Variants in CNTNAP5 observed in about 807,000 individuals in gnomAD.
CNTNAP5 encodes the protein contactin-associated protein-like 5.
A neutral mutation model predicts 150.2 loss-of-function variants in CNTNAP5; 72 were observed. The ratio of observed to expected loss-of-function variants is 0.48; its 90% confidence interval spans 0.40 to 0.58. CNTNAP5 has a LOEUF of 0.58. Among genes scored for constraint, CNTNAP5 ranks in the 20% least tolerant of loss-of-function variants. The probability of loss-of-function intolerance (pLI) is 0.00; values close to 1 mark genes in which losing one functional copy is unlikely to be tolerated. For missense variants in CNTNAP5, 1,636 were observed against 1,626.2 expected, an observed-to-expected ratio of 1.01 and a Z score of -0.10; for synonymous variants, 672 against 619.8, an observed-to-expected ratio of 1.08 and a Z score of -1.25.
chr2:124,363,007 A>G (rs554448059), intron 3 of CNTNAP5, among the ~76,000 whole-genome samples: 10 of 152,362 alleles, frequency 6.6e-5, no homozygotes, highest in African/African-American at 1.9e-4. Flanking sequence ...AAAAGCATCA[A>G]TGGATGTGGC....
intron 10 of CNTNAP5, among the ~76,000 whole-genome samples, chr2:124,552,840 G>C (rs1695658165): frequency 6.6e-6 from 1 of 152,054 alleles, no homozygotes; most frequent in Non-Finnish European, 1.5e-5. Context: ...TCCATTGAAG[G>C]ACTTTCCAAT....
At chr2:124,532,726 T>C (rs1039660782) in intron 10 of CNTNAP5, among the ~76,000 whole-genome samples, 1 of 152,158 alleles carries the variant, frequency 6.6e-6, no homozygotes, top group Non-Finnish European at 1.5e-5. Context: ...TTATTTAAAC[T>C]TTTGTCCATG....
chr2:124,311,444 G>A (rs748507226), intron 3 of CNTNAP5, among the ~76,000 whole-genome samples: 19 of 152,162 alleles, frequency 1.2e-4, no homozygotes, highest in African/African-American at 2.2e-4. Flanking sequence ...GAAAGAGAGG[G>A]AGAGAGGAGT....
At chr2:124,717,346 C>G (rs1357064111) in intron 13 of CNTNAP5, among the ~76,000 whole-genome samples, 1 of 152,146 alleles carries the variant, frequency 6.6e-6, no homozygotes, top group Non-Finnish European at 1.5e-5. Context: ...GTTTAATGTT[C>G]AGGGAATACT....
intron 1 of CNTNAP5, among the ~76,000 whole-genome samples, chr2:124,182,117 A>G (rs555799071): frequency 7.9e-5 from 12 of 152,308 alleles, no homozygotes; most frequent in Non-Finnish European, 1.5e-4. Flanking sequence ...CTACTTACAA[A>G]TATAATTTCT....
At chr2:124,068,091 ACTATCTGCATAC>A (rs1307273811) in intron 1 of CNTNAP5, among the ~76,000 whole-genome samples, 1 of 146,234 alleles carries the variant, frequency 6.8e-6, no homozygotes, top group African/African-American at 2.5e-5. Context: ...AACGCTTTTA[ACTATCTGCATAC>A]ACAAACGCAC....
intron 3 of CNTNAP5, among the ~76,000 whole-genome samples, chr2:124,399,243 AGAG>A (rs1368016786): frequency 2.6e-5 from 4 of 152,174 alleles, no homozygotes; most frequent in Non-Finnish European, 5.9e-5. Context: ...AGTGAAGAAG[AGAG>A]GAGGAGATCA....
At chr2:124,100,942 CT>C (rs1558755575) in intron 1 of CNTNAP5, among the ~76,000 whole-genome samples, 1 of 150,464 alleles carries the variant, frequency 6.6e-6, no homozygotes, top group Non-Finnish European at 1.5e-5. Context: ...AATCAAGATT[CT>C]CAATTCTTAA....
At chr2:124,311,424 A>T (rs1688827500) in intron 3 of CNTNAP5, among the ~76,000 whole-genome samples, 1 of 152,150 alleles carries the variant, frequency 6.6e-6, no homozygotes, top group African/African-American at 2.4e-5. Flanking sequence ...AGGAAAGAAA[A>T]GAATAGGGGG....
chr2:124,444,436 A>G (rs374370815), intron 5 of CNTNAP5, among the ~76,000 whole-genome samples: 6 of 152,094 alleles, frequency 3.9e-5, no homozygotes, highest in African/African-American at 1.4e-4. Context: ...TCTACCAAAA[A>G]TATAAAAAAT....
rs2104777699 is a variant in CNTNAP5 at position 124,920,719 on chromosome 2, T to A, written c.*6431T>A. 6.6e-6 allele frequency among the ~76,000 whole-genome samples: 1 copy of A among 152,284 alleles called. No homozygotes were observed. The highest frequency in any genetic ancestry group is 2.1e-4 in the South Asian group (1 of 4,826). On this transcript the variant is annotated 3_prime_UTR_variant, in exon 24 of 24. Coordinates refer to ENST00000682447, the MANE Select transcript of CNTNAP5 (RefSeq NM_001367498.1). ...GGCCATGTTCCAATATAACTTTATT[T>A]ACAAAATCTAATTTAGTTCATAGGT...
intron 1 of CNTNAP5, among the ~76,000 whole-genome samples, chr2:124,090,846 A>G (rs1432522750): frequency 6.6e-6 from 1 of 152,230 alleles, no homozygotes; most frequent in African/African-American, 2.4e-5. Context: ...AACTAGATTA[A>G]TGCTGCACAG....
intron 1 of CNTNAP5, among the ~76,000 whole-genome samples, chr2:124,044,295 A>T (rs1038480595): frequency 5.3e-5 from 8 of 152,156 alleles, no homozygotes; most frequent in Admixed American, 2.6e-4. Context: ...AGAGTGTCCA[A>T]GTAACTTTCT....
At chr2:124,329,235 A>G (rs1471245180) in intron 3 of CNTNAP5, among the ~76,000 whole-genome samples, 7 of 152,168 alleles carry the variant, frequency 4.6e-5, no homozygotes, top group African/African-American at 1.7e-4. Flanking sequence ...AAAGTCTCCC[A>G]GGTAATTTAT....
chr2:124,689,539 G>A (rs1240207742), intron 13 of CNTNAP5, among the ~76,000 whole-genome samples: 1 of 152,070 alleles, frequency 6.6e-6, no homozygotes, highest in Admixed American at 6.6e-5. Flanking sequence ...GTGTTTGCCT[G>A]TCCACATATA....
chr2:124,684,247 C>T (rs540638105), intron 13 of CNTNAP5, among the ~76,000 whole-genome samples: 1 of 152,280 alleles, frequency 6.6e-6, no homozygotes, highest in South Asian at 2.1e-4. Context: ...TGTTAACATG[C>T]AGTCCTGTCA....
intron 12 of CNTNAP5, among the ~76,000 whole-genome samples, chr2:124,622,007 T>A (rs1466889899): frequency 6.6e-6 from 1 of 151,898 alleles, no homozygotes; most frequent in Non-Finnish European, 1.5e-5. Context: ...GATGTGGAGG[T>A]TTTTTACATA....
intron 17 of CNTNAP5, among the ~76,000 whole-genome samples, chr2:124,780,330 T>C (rs1279244624): frequency 6.6e-6 from 1 of 151,928 alleles, no homozygotes. Flanking sequence ...AACTGAGGGG[T>C]TTTGACATTT....
rs180908112 is a variant in CNTNAP5, at chr2:124,580,725, A to G, written c.1756+17402A>G. Reference sequence around the variant, plus strand: ...CAGCTGTCCATCCCCATCTCTCAATATCTGTTTATATAGACCTATGCATGT... The same window carrying G: ...CAGCTGTCCATCCCCATCTCTCAATGTCTGTTTATATAGACCTATGCATGT... On this transcript the variant is annotated intron_variant, in intron 11 of 23. Coordinates refer to ENST00000682447, the MANE Select transcript of CNTNAP5 (RefSeq NM_001367498.1). Among the ~76,000 whole-genome samples the G allele has an allele frequency of 3.9e-5, 6 of 152,204 alleles. No homozygotes were observed. The East Asian group carries it at 1.2e-3, about 29-fold the overall frequency.
Sources: gnomAD v4.1 joint callset for allele counts (sites outside exome capture counted in the v4.1 genomes callset) on GRCh38, gnomAD v4.1.1 for gene constraint, MANE v1.5 for transcripts, NCBI Gene and HGNC (gene_info 2026-07-23, HGNC 2026-07-21) for gene names.